The following GNA14 variants were observed in gnomAD, a reference collection of about 807,000 sequenced individuals.
GNA14 encodes the protein guanine nucleotide-binding protein subunit alpha-14.
GNA14 carries 50 observed loss-of-function variants against 42.0 expected under a neutral mutation model. That is an observed-to-expected ratio of 1.19 (90% CI 0.95 to 1.51). The LOEUF (loss-of-function observed/expected upper bound fraction) is 1.51, where lower values mean the gene tolerates loss of function less well. Among genes scored for constraint, GNA14 ranks in the 40% most tolerant of loss-of-function variants. The probability of loss-of-function intolerance (pLI) is 0.00; values close to 1 mark genes in which losing one functional copy is unlikely to be tolerated. For synonymous variants in GNA14, 173 were observed against 163.1 expected (o/e 1.06, Z -0.46); for missense variants, 473 against 446.2 (o/e 1.06, Z -0.54).
chr9:77,519,182 G>C lies in GNA14; in HGVS notation c.309+9887C>G, dbSNP rs193088359. Among the ~76,000 whole-genome samples the C allele has an allele frequency of 2.1e-3, 322 of 152,282 alleles. 4 individuals carry two copies. Among genetic ancestry groups the C allele is most frequent in the African/African-American group, 7.5e-3 (312 of 41,552 alleles). ...TCTCAACATTATGGGAGGCCGAGGCGGGTGGGTCACCTGAGGTCAGAAGTT... is the reference window on the plus strand; with the variant it reads ...TCTCAACATTATGGGAGGCCGAGGCCGGTGGGTCACCTGAGGTCAGAAGTT... On this transcript the variant is annotated intron_variant, in intron 2 of 6. Transcript: ENST00000341700.
At chr9:77,501,713 C>CTTTTTTTTT (rs71358606) in intron 2 of GNA14, among the ~76,000 whole-genome samples, 1 of 130,420 alleles carries the variant, frequency 7.7e-6, no homozygotes. Context: ...TGGATAATTT[C>CTTTTTTTTT]TTTTTTTTTT....
intron 2 of GNA14, among the ~76,000 whole-genome samples, chr9:77,463,710 G>A (rs1378408002): frequency 6.6e-6 from 1 of 152,154 alleles, no homozygotes; most frequent in Admixed American, 6.5e-5. Context: ...GGAGTGGCTG[G>A]TGGCAGAATC....
chr9:77,429,242 G>C (rs1211415054), intron 4 of GNA14, among the ~76,000 whole-genome samples: 1 of 152,222 alleles, frequency 6.6e-6, no homozygotes, highest in African/African-American at 2.4e-5. Flanking sequence ...AGAAGGGAGA[G>C]AATGTAAATG....
At chr9:77,629,427 CA>C (rs1824060477) in intron 1 of GNA14, among the ~76,000 whole-genome samples, 1 of 152,192 alleles carries the variant, frequency 6.6e-6, no homozygotes, top group South Asian at 2.1e-4. Flanking sequence ...GACACATGCA[CA>C]TGTATGTTTA....
At chr9:77,518,247 G>A (rs1837292813) in intron 2 of GNA14, 1 of 152,150 alleles carries the variant, frequency 6.6e-6, no homozygotes. Context: ...TTCACTTCAA[G>A]CCAGCTGTTG....
intron 2 of GNA14, among the ~76,000 whole-genome samples, chr9:77,464,246 C>T (rs1051961314): frequency 6.6e-6 from 1 of 152,080 alleles, no homozygotes; most frequent in Non-Finnish European, 1.5e-5. Context: ...GGCAATCCAC[C>T]CACCTCAGGC....
At position 77,467,720 on chromosome 9, in the gene GNA14, G is replaced by A. The variant is rs191947696; in HGVS notation, c.310-33198C>T. On this transcript the variant is annotated intron_variant, in intron 2 of 6. Transcript: ENST00000341700. ...TCCATTCCCATTCTTCTGACAACCT[G>A]CATCTCCCTTTAGATAGAACACCCA... Among the ~76,000 whole-genome samples, 873 of 146,536 alleles carry A rather than the reference G, an allele frequency of 6.0e-3. 5 individuals are homozygous for A. Among genetic ancestry groups the A allele is most frequent in the Non-Finnish European group, 8.8e-3 (592 of 67,288 alleles).
At chr9:77,560,847 G>A (rs1822870314) in intron 1 of GNA14, among the ~76,000 whole-genome samples, 1 of 151,330 alleles carries the variant, frequency 6.6e-6, no homozygotes, top group Non-Finnish European at 1.5e-5. Flanking sequence ...TAAGGGAATG[G>A]TGGAAAAAAA....
intron 2 of GNA14, among the ~76,000 whole-genome samples, chr9:77,472,351 T>A (rs1403153183): frequency 6.6e-6 from 1 of 152,166 alleles, no homozygotes. Flanking sequence ...TGGCATGGAC[T>A]CAATGATATG....
chr9:77,464,323 G>GTA (rs1340657902), intron 2 of GNA14, among the ~76,000 whole-genome samples: 2 of 148,468 alleles, frequency 1.3e-5, no homozygotes, highest in South Asian at 2.2e-4. Context: ...GAGAGTGTGT[G>GTA]TATATATATG....
chr9:77,507,733 C>T (rs1349281328), intron 2 of GNA14, among the ~76,000 whole-genome samples: 2 of 151,960 alleles, frequency 1.3e-5, no homozygotes, highest in African/African-American at 2.4e-5. Context: ...TGTAGTCTTG[C>T]TCTGTCACCC....
chr9:77,575,520 T>A (rs924389283), intron 1 of GNA14, among the ~76,000 whole-genome samples: 4 of 152,238 alleles, frequency 2.6e-5, no homozygotes, highest in African/African-American at 9.6e-5. Flanking sequence ...AAATGTTTAT[T>A]AACGCTTGTA....
chr9:77,513,749 C>T lies in GNA14; in HGVS notation c.309+15320G>A, dbSNP rs1488667896. Among the ~76,000 whole-genome samples the T allele has an allele frequency of 2.0e-5, 3 of 152,346 alleles. 1 individual carries two copies. In the East Asian group the frequency reaches 5.8e-4, roughly 29 times the overall value. On this transcript the variant is annotated intron_variant, in intron 2 of 6. Transcript: ENST00000341700. ...CACATGATGACCTTATAGCTAAGTC[C>T]ACCACATTCTGGGTTTAGGACAAGT...
rs545314911 is a variant in GNA14, at chr9:77,497,108, C to T, written c.309+31961G>A. Among the ~76,000 whole-genome samples the T allele has an allele frequency of 1.3e-4, 20 of 151,970 alleles. No homozygotes were observed. The South Asian group carries it at 2.1e-3, about 16-fold the overall frequency. On this transcript the variant is annotated intron_variant, in intron 2 of 6. Transcript: ENST00000341700. ...CACTCCCCTCCACGGCAGAGGTGCT[C>T]GGAGACCATTTGTCCTTTCCATACC... is the stretch of plus-strand genomic sequence containing the variant.
chr9:77,595,957 T>C (rs1243746135), intron 1 of GNA14, among the ~76,000 whole-genome samples: 1 of 151,976 alleles, frequency 6.6e-6, no homozygotes, highest in African/African-American at 2.4e-5. Context: ...TCTCCCAGGA[T>C]AAGGAGAATA....
chr9:77,591,729 C>T (rs544088661), intron 1 of GNA14, among the ~76,000 whole-genome samples: 1 of 152,140 alleles, frequency 6.6e-6, no homozygotes, highest in South Asian at 2.1e-4. Flanking sequence ...AAATCCACTC[C>T]CTGCTCAAAA....
chr9:77,511,781 G>C (rs1837174677), intron 2 of GNA14, among the ~76,000 whole-genome samples: 3 of 152,194 alleles, frequency 2.0e-5, no homozygotes, highest in South Asian at 2.1e-4. Context: ...TCAGTGAGCT[G>C]CTGATGTGAC....
At position 77,583,563 on chromosome 9, in the gene GNA14, T is replaced by A. The variant is rs114147020; in HGVS notation, c.125-54310A>T. ...AGATGATTTCTGTTTGACTCTTTACTGACCTACTTCTGAGTGTATGTGTGA... is the reference window on the plus strand; with the variant it reads ...AGATGATTTCTGTTTGACTCTTTACAGACCTACTTCTGAGTGTATGTGTGA... On this transcript the variant is annotated intron_variant, in intron 1 of 6. Coordinates refer to ENST00000341700, the MANE Select transcript of GNA14 (RefSeq NM_004297.4). Among the ~76,000 whole-genome samples the A allele has an allele frequency of 2.5e-3, 387 of 152,332 alleles. 4 individuals carry two copies. Among genetic ancestry groups the A allele is most frequent in the African/African-American group, 8.6e-3 (357 of 41,580 alleles).
chr9:77,511,633 C>A (rs550480017), intron 2 of GNA14, among the ~76,000 whole-genome samples: 2 of 152,250 alleles, frequency 1.3e-5, no homozygotes, highest in Admixed American at 1.3e-4. Flanking sequence ...CAGGCAGAAT[C>A]CCAAGTGGGC....
Sources: allele counts gnomAD v4.1 joint callset (sites outside exome capture counted in the v4.1 genomes callset), GRCh38; gene constraint gnomAD v4.1.1; transcripts MANE v1.5; gene names NCBI Gene and HGNC (gene_info 2026-07-23, HGNC 2026-07-21).